Variants in CAPN7 observed in about 807,000 individuals in gnomAD.
The protein encoded by CAPN7 is calpain-7.
In CAPN7, 72 loss-of-function variants were observed where a neutral mutation model predicts 115.2. The ratio of observed to expected loss-of-function variants is 0.63; its 90% CI spans 0.52 to 0.76. The LOEUF (loss-of-function observed/expected upper bound fraction) is 0.76. Among genes scored for constraint, CAPN7 ranks in the 30% least tolerant of loss-of-function variants. The pLI is 0.00. For synonymous variants in CAPN7, 344 were observed against 322.3 expected (o/e 1.07, Z -0.72); for missense variants, 905 against 971.5 (o/e 0.93, Z 0.91).
At chr3:15,216,942 A>G (rs1693639480) in intron 2 of CAPN7, among the ~76,000 whole-genome samples, 1 of 152,132 alleles carries the variant, frequency 6.6e-6, no homozygotes, top group African/African-American at 2.4e-5. Flanking sequence ...AAGATTAAAA[A>G]GAGAAGGGAG....
At chr3:15,247,919 G>A (rs563830350) in intron 19 of CAPN7, among the ~76,000 whole-genome samples, 5 of 151,968 alleles carry the variant, frequency 3.3e-5, no homozygotes, top group African/African-American at 4.8e-5. Flanking sequence ...GTAAACTATC[G>A]CAAGAACAAA....
chr3:15,226,431 C>T (rs1193139498), intron 6 of CAPN7, among the ~76,000 whole-genome samples: 1 of 152,048 alleles, frequency 6.6e-6, no homozygotes, highest in Non-Finnish European at 1.5e-5. Flanking sequence ...TTTAATAATC[C>T]TCTAGTGACT....
At chr3:15,212,074 T>C in intron 1 of CAPN7, 30 bp from the exon 2 acceptor site, 3 of 1,421,706 alleles carry the variant, frequency 2.1e-6, no homozygotes, top group South Asian at 2.5e-5. Flanking sequence ...AATACATCTA[T>C]TGGATTCCTT....
intron 6 of CAPN7, among the ~76,000 whole-genome samples, chr3:15,224,929 A>T (rs966406540): frequency 3.9e-5 from 6 of 152,172 alleles, no homozygotes; most frequent in African/African-American, 7.2e-5. Context: ...GGACCAAAGG[A>T]ATTTTTATAT....
Position 15,229,588 on chromosome 3 carries a change from T to C in CAPN7, c.938+529T>C, listed in dbSNP as rs865837144. 3.7e-3 allele frequency among the ~76,000 whole-genome samples: 362 copies of C among 98,486 alleles called. 7 individuals carry two copies. Among genetic ancestry groups the C allele is most frequent in the African/African-American group, 0.014 (346 of 25,312 alleles). The allele number at this position is 98,486 out of a possible 152,430, so 64.6% of individuals were successfully genotyped here. On this transcript the variant is annotated intron_variant, in intron 8 of 20. Coordinates refer to ENST00000253693, the MANE Select transcript of CAPN7 (RefSeq NM_014296.3). Reference sequence around the variant, plus strand: ...TTTTTTTTTTTTTTTTTTTTTTTTTTTGGAGACAAAGAATTTCGCTCTTGT... The same window carrying C: ...TTTTTTTTTTTTTTTTTTTTTTTTTCTGGAGACAAAGAATTTCGCTCTTGT...
At chr3:15,214,126 C>T (rs916920981) in intron 2 of CAPN7, among the ~76,000 whole-genome samples, 4 of 152,038 alleles carry the variant, frequency 2.6e-5, no homozygotes, top group Non-Finnish European at 4.4e-5. Flanking sequence ...GTGATCCACC[C>T]GCCTCGGCCT....
rs781622336 is a variant in CAPN7 at position 15,229,014 on chromosome 3, T to G, written c.893T>G (p.Ile298Ser). The G allele has an allele frequency of 6.2e-7, 1 of 1,613,708 alleles. No individual in the cohort carries two copies. The highest frequency in any genetic ancestry group is 8.5e-7 in the Non-Finnish European group (1 of 1,179,714). ...TGCTCCTTTGTGGCATCACTGGCCATCAGTGCAGCTTATGAAAGACGTTTT... is the reference window on the plus strand; with the variant it reads ...TGCTCCTTTGTGGCATCACTGGCCAGCAGTGCAGCTTATGAAAGACGTTTT... ...SDCSFVASLA[I>S]SAAYERRFNK... The change falls in exon 8 of 21, where the codon ATC (isoleucine) becomes AGC (serine). Residue 298 changes from isoleucine (I) to serine (S), a missense_variant. Ile to Ser is a moderately radical substitution (Grantham distance 142). Around this residue, in one of 3 missense-constraint regions of CAPN7, gnomAD observed 620 missense variants for 703.4 expected, o/e 0.88. Coordinates refer to ENST00000253693, the MANE Select transcript of CAPN7 (RefSeq NM_014296.3).
intron 2 of CAPN7, among the ~76,000 whole-genome samples, chr3:15,217,103 C>T (rs1011444403): frequency 6.6e-5 from 10 of 151,548 alleles, no homozygotes; most frequent in Admixed American, 2.0e-4. Flanking sequence ...AAAAATTAGC[C>T]AGGCATGGTG....
chr3:15,242,398 G>T, intron 16 of CAPN7, 145 bp downstream of exon 16: 1 of 567,204 alleles, frequency 1.8e-6, no homozygotes, highest in South Asian at 2.5e-5. Context: ...CAAGCAGATG[G>T]GTATTCATGC....
rs937156449 is a variant in CAPN7 at position 15,207,766 on chromosome 3, G to A, written c.102+1169G>A. On this transcript the variant is annotated intron_variant, in intron 1 of 20. Transcript: ENST00000253693. Reference sequence around the variant, plus strand: ...TTGTCCCACTGGGAGGTCTTCAGGAGCAATAACAGGAATGAAACTGTCGTC... The same window carrying A: ...TTGTCCCACTGGGAGGTCTTCAGGAACAATAACAGGAATGAAACTGTCGTC... Among the ~76,000 whole-genome samples, 22 of 151,904 alleles carry A rather than the reference G, an allele frequency of 1.4e-4. 1 individual carries two copies. The highest frequency in any genetic ancestry group is 7.9e-4 in the Admixed American group (12 of 15,244).
At chr3:15,234,844 A>AAAAG (rs61136448) in intron 11 of CAPN7, among the ~76,000 whole-genome samples, 181 bp from the exon 12 acceptor site, 17,518 of 152,058 alleles carry the variant, frequency 0.12, 3,364 homozygotes, top group African/African-American at 0.4. Flanking sequence ...AACTTAAAAA[A>AAAAG]AGAGAAATGT....
Position 15,206,515 on chromosome 3 carries a change from A to G in CAPN7, c.20A>G (p.Glu7Gly), listed in dbSNP as rs2044631423. 1.9e-6 allele frequency: 3 copies of G among 1,552,746 alleles called. No individual in the cohort carries two copies. The highest frequency in any genetic ancestry group is 2.6e-6 in the Non-Finnish European group (3 of 1,148,644). ...TGCGCCATGGACGCCACAGCACTGG[A>G]GCGGGACGCTGTGCAGTTCGCCCGT... MDATAL[E>G]RDAVQFARLA... is the part of the protein sequence containing the mutation. The change falls in exon 1 of 21, where the codon GAG (glutamate) becomes GGG (glycine). Residue 7 changes from glutamate (E) to glycine (G), a missense_variant. Physicochemically the swap from Glu to Gly is moderately conservative, Grantham distance 98. Transcript: ENST00000253693.
At position 15,211,952 on chromosome 3, in the gene CAPN7, A is replaced by G. The variant is rs1234458645; in HGVS notation, c.103-152A>G. ...ACTGAAGAAAACATTGGAAGATTGT[A>G]TAACTACTTTATGAAAAAAATTACT... On this transcript the variant is annotated intron_variant, in intron 1 of 20. Transcript: ENST00000253693. 11 of 462,644 alleles carry G rather than the reference A, an allele frequency of 2.4e-5. No homozygotes were observed. The Admixed American group carries it at 2.9e-4, about 12-fold the overall frequency. The allele number at this position is 462,644 out of a possible 1,614,324, so 28.7% of individuals were successfully genotyped here.
intron 18 of CAPN7, 44 bp downstream of exon 18, chr3:15,246,838 T>G (rs1410935418): frequency 7.4e-7 from 1 of 1,355,760 alleles, no homozygotes; most frequent in Non-Finnish European, 1.0e-6. Flanking sequence ...TCTTTTAGAA[T>G]TTTTAAATTC....
chr3:15,226,274 A>G (rs527799046), intron 6 of CAPN7, among the ~76,000 whole-genome samples: 2 of 152,028 alleles, frequency 1.3e-5, no homozygotes, highest in African/African-American at 2.4e-5. Context: ...GGGTTTCACC[A>G]TGTTGTCTAG....
chr3:15,208,555 C>A (rs2044759525), intron 1 of CAPN7, among the ~76,000 whole-genome samples: 1 of 151,656 alleles, frequency 6.6e-6, no homozygotes, highest in African/African-American at 2.4e-5. Context: ...CTCAGTCTCC[C>A]AAAATGCTGG....
chr3:15,231,876 C>A (rs1449729715), intron 9 of CAPN7, among the ~76,000 whole-genome samples: 1 of 152,120 alleles, frequency 6.6e-6, no homozygotes, highest in Non-Finnish European at 1.5e-5. Context: ...ATGACTTCCT[C>A]TGTTATTTAT....
chr3:15,206,377 A>T lies in CAPN7; in HGVS notation c.-119A>T. The T allele has an allele frequency of 1.4e-6, 1 of 705,254 alleles. No individual in the cohort carries two copies. The highest frequency in any genetic ancestry group is 2.4e-6 in the Non-Finnish European group (1 of 422,452). The allele number at this position is 705,254 out of a possible 1,614,324, so 43.7% of individuals were successfully genotyped here. A position where few individuals can be genotyped will look rare whatever the true frequency, so the allele number is the denominator to read the frequency against. ...AGCTCTCCTCCACCGTCCAAAGTAA[A>T]CTTTGCCGCTCCTTCCGCGGCGCTC... On this transcript the variant is annotated 5_prime_UTR_variant, in exon 1 of 21. Coordinates refer to ENST00000253693, the MANE Select transcript of CAPN7 (RefSeq NM_014296.3).
chr3:15,249,607 T>C (rs1425567523), intron 19 of CAPN7, among the ~76,000 whole-genome samples: 3 of 145,938 alleles, frequency 2.1e-5, no homozygotes, highest in Non-Finnish European at 4.4e-5. Context: ...AGAGTTTTTT[T>C]CTAAATTTTT....
Sources: gnomAD v4.1 joint callset for allele counts (sites outside exome capture counted in the v4.1 genomes callset) on GRCh38, gnomAD v4.1.1 for gene constraint, gnomAD v4.1.1 regional missense constraint, MANE v1.5 for transcripts, NCBI Gene and HGNC (gene_info 2026-07-23, HGNC 2026-07-21) for gene names.